CSTL1: variants seen among roughly 807,000 people sequenced by gnomAD.
The protein encoded by CSTL1 is cystatin like 1.
A neutral mutation model predicts 14.4 loss-of-function variants in CSTL1; 14 were observed. That is an observed-to-expected ratio of 0.97 (90% CI 0.64 to 1.52). The LOEUF (loss-of-function observed/expected upper bound fraction) is 1.52, where lower values mean the gene tolerates loss of function less well. Ranked by LOEUF, CSTL1 falls within the 40% of genes most tolerant of loss-of-function variation. CSTL1 has a pLI of 0.00. For missense variants in CSTL1, 170 were observed against 168.7 expected, an observed-to-expected ratio of 1.01 and a Z score of -0.04; for synonymous variants, 72 against 67.5, an observed-to-expected ratio of 1.07 and a Z score of -0.33.
chr20:23,446,412 C>T (rs2004288), downstream of CSTL1, among the ~76,000 whole-genome samples: 54,797 of 151,992 alleles, frequency 0.36, 9,817 homozygotes, highest in Admixed American at 0.39. Flanking sequence ...TGCACTGCCA[C>T]GCCCAGCTAA....
At chr20:23,441,588 C>A (rs1157877244) in intron 2 of CSTL1, among the ~76,000 whole-genome samples, 2 of 152,138 alleles carry the variant, frequency 1.3e-5, no homozygotes, top group Non-Finnish European at 2.9e-5. Context: ...TATGGTAAAT[C>A]ATTTCTAGAT....
At chr20:23,443,321 A>G (rs1229861227) in intron 2 of CSTL1, among the ~76,000 whole-genome samples, 1 of 152,244 alleles carries the variant, frequency 6.6e-6, no homozygotes, top group Non-Finnish European at 1.5e-5. Context: ...TTATGCATTC[A>G]GGGAAATGCA....
At chr20:23,452,146 C>T in the CSTL1 span, among the ~76,000 whole-genome samples, 4 of 152,326 alleles carry the variant, frequency 2.6e-5, no homozygotes, top group South Asian at 2.1e-4. Context: ...CAAATCTATC[C>T]CTTGGGTAAT....
At chr20:23,442,693 G>A (rs1986863196) in intron 2 of CSTL1, among the ~76,000 whole-genome samples, 1 of 152,144 alleles carries the variant, frequency 6.6e-6, no homozygotes, top group Admixed American at 6.5e-5. Flanking sequence ...GCTCCCTGCT[G>A]CCCTGTCCCA....
At chr20:23,461,157 C>A in the CSTL1 span, among the ~76,000 whole-genome samples, 1 of 152,200 alleles carries the variant, frequency 6.6e-6, no homozygotes, top group African/African-American at 2.4e-5. Context: ...TTATGACTCA[C>A]TGAAGGCACA....
Position 23,440,328 on chromosome 20 carries a change from A to G in CSTL1, c.61A>G (p.Lys21Glu). 6.2e-7 allele frequency: 1 copy of G among 1,614,192 alleles called. No homozygotes were observed. Among genetic ancestry groups the G allele is most frequent in the South Asian group, 1.1e-5 (1 of 91,086 alleles). The change falls in exon 2 of 4, where the codon AAG becomes GAG. Residue 21 changes from lysine (K) to glutamate (E), a missense_variant. Coordinates refer to ENST00000347397, the MANE Select transcript of CSTL1 (RefSeq NM_138283.1). Reference protein sequence around the residue: ...LLLIALVLSAKLGHFQRWEGF... With the variant: ...LLLIALVLSAELGHFQRWEGF... ...GCTGATTGCCCTGGTCCTGTCAGCC[A>G]AGCTGGGTCACTTCCAAAGGTGGGA... is the stretch of plus-strand genomic sequence containing the variant.
downstream of CSTL1, among the ~76,000 whole-genome samples, chr20:23,449,812 C>G (rs765541025): frequency 1.4e-4 from 21 of 152,194 alleles, no homozygotes; most frequent in Non-Finnish European, 3.1e-4. Flanking sequence ...GTCACCAGGT[C>G]TGCCTCCTTC....
At chr20:23,444,371 A>G (rs546201523) in intron 3 of CSTL1, among the ~76,000 whole-genome samples, 4 of 152,276 alleles carry the variant, frequency 2.6e-5, no homozygotes, top group Non-Finnish European at 5.9e-5. Flanking sequence ...AGGTTGTCCA[A>G]TTTCCTCCTT....
chr20:23,451,028 C>T, the CSTL1 span, among the ~76,000 whole-genome samples: 41,261 of 152,006 alleles, frequency 0.27, 6,453 homozygotes, highest in Admixed American at 0.35. Context: ...TTCAGTCCAT[C>T]CCCCATCCAT....
intron 2 of CSTL1, chr20:23,442,236 G>T (rs1986851338): frequency 6.6e-6 from 1 of 152,208 alleles, no homozygotes; most frequent in South Asian, 2.1e-4. Context: ...TGACCATTGT[G>T]TCTGTCCTTA....
chr20:23,450,519 C>A, the CSTL1 span: 1 of 1,611,574 alleles, frequency 6.2e-7, no homozygotes, highest in Non-Finnish European at 8.5e-7. Flanking sequence ...GTCACTGCTG[C>A]AGCTTTTGTT....
chr20:23,460,804 C>G, the CSTL1 span, among the ~76,000 whole-genome samples: 3 of 152,188 alleles, frequency 2.0e-5, no homozygotes, highest in East Asian at 3.9e-4. Flanking sequence ...TTTTGGGGCC[C>G]CAAGCTCATT....
At chr20:23,445,548 C>G (rs76308965), downstream of CSTL1, among the ~76,000 whole-genome samples, 1 of 152,128 alleles carries the variant, frequency 6.6e-6, no homozygotes, top group Non-Finnish European at 1.5e-5. Flanking sequence ...CGTGAGCTAC[C>G]GCACCCACCC....
the CSTL1 span, chr20:23,452,861 C>A: frequency 7.0e-7 from 1 of 1,437,614 alleles, no homozygotes; most frequent in South Asian, 1.2e-5. Flanking sequence ...TCCTCAGGGA[C>A]AAGTCGAATC....
the CSTL1 span, among the ~76,000 whole-genome samples, chr20:23,456,603 C>A: frequency 6.6e-6 from 1 of 152,198 alleles, no homozygotes; most frequent in Non-Finnish European, 1.5e-5. Context: ...CCCTGCAGCT[C>A]CCCTGGCAGC....
At chr20:23,447,467 C>CTTTTT (rs34114094), downstream of CSTL1, among the ~76,000 whole-genome samples, 13 of 136,790 alleles carry the variant, frequency 9.5e-5, no homozygotes, top group African/African-American at 2.7e-4. Flanking sequence ...TTTTCTTTTT[C>CTTTTT]TTTTTTTTTT....
chr20:23,446,047 A>G (rs1156419284), downstream of CSTL1, among the ~76,000 whole-genome samples: 1 of 152,162 alleles, frequency 6.6e-6, no homozygotes, highest in Non-Finnish European at 1.5e-5. Context: ...CTGGTCATGA[A>G]GGTAGTCTCT....
chr20:23,455,559 T>G, the CSTL1 span, among the ~76,000 whole-genome samples: 1 of 152,220 alleles, frequency 6.6e-6, no homozygotes, highest in Non-Finnish European at 1.5e-5. Flanking sequence ...CCTGTCAATG[T>G]CTGTGGGGTC....
In CSTL1 at chr20:23,443,921, T is replaced by C; in HGVS notation, c.220-13T>C. 6.2e-7 allele frequency: 1 copy of C among 1,604,044 alleles called. No homozygotes were observed. Among genetic ancestry groups the C allele is most frequent in the East Asian group, 2.2e-5 (1 of 44,784 alleles). On this transcript the variant is annotated splice_polypyrimidine_tract_variant and intron_variant, in intron 2 of 3. Transcript: ENST00000347397. ...TTGGAGTCCACACTAACAGCACAAC[T>C]GATTCTCGGCAGCTGACGACGGGAG...
Sources: allele counts gnomAD v4.1 joint callset (sites outside exome capture counted in the v4.1 genomes callset), GRCh38; gene constraint gnomAD v4.1.1; transcripts MANE v1.5; gene names NCBI Gene and HGNC (gene_info 2026-07-23, HGNC 2026-07-21).